PSME4: variants seen among roughly 807,000 people sequenced by gnomAD.
PSME4 encodes the protein proteasome activator subunit 4, also known as proteasome activator complex subunit 4.
In PSME4, 89 loss-of-function variants were observed where a neutral mutation model predicts 253.9. That is an observed-to-expected ratio of 0.35 (90% CI 0.30 to 0.42). The LOEUF is 0.42. Among genes scored for constraint, PSME4 ranks in the 10% least tolerant of loss-of-function variants. The pLI is 1.00. For synonymous variants in PSME4, 851 were observed against 759.2 expected (o/e 1.12, Z -1.99); for missense variants, 2,014 against 2,195.2 (o/e 0.92, Z 1.65).
chr2:53,880,453 C>CT (rs1293958070), intron 41 of PSME4, among the ~76,000 whole-genome samples: 2 of 152,134 alleles, frequency 1.3e-5, no homozygotes, highest in African/African-American at 4.8e-5. Context: ...AGATACATCT[C>CT]TTTTGCCCAG....
intron 1 of PSME4, among the ~76,000 whole-genome samples, chr2:53,956,577 T>A (rs1670245303): frequency 6.6e-6 from 1 of 151,666 alleles, no homozygotes; most frequent in African/African-American, 2.4e-5. Flanking sequence ...GAATTATTAT[T>A]CTATATATTT....
intron 21 of PSME4, 81 bp downstream of exon 21, chr2:53,909,994 A>G: frequency 8.8e-7 from 1 of 1,133,578 alleles, no homozygotes; most frequent in Non-Finnish European, 1.3e-6. Flanking sequence ...CAAAAACACT[A>G]CTTCATACTT....
rs1334214668 is a variant in PSME4 at position 53,899,499 on chromosome 2, T to C, written c.3422+382A>G. 6.6e-5 allele frequency among the ~76,000 whole-genome samples: 10 copies of C among 152,326 alleles called. No individual in the cohort carries two copies. In the East Asian group the frequency reaches 9.6e-4, roughly 15 times the overall value. On this transcript the variant is annotated intron_variant, in intron 29 of 46. Transcript: ENST00000404125. ...TAAACATCATTAAGCAGTTATGTTA[T>C]ACATCTATATTTTAGAGATGTTAAA... is the stretch of plus-strand genomic sequence containing the variant.
chr2:53,910,424 C>T (rs766716281), intron 20 of PSME4, among the ~76,000 whole-genome samples: 16 of 152,148 alleles, frequency 1.1e-4, no homozygotes, highest in Middle Eastern at 3.4e-3. Context: ...TATGATAAAC[C>T]TTTACATAAA....
intron 44 of PSME4, among the ~76,000 whole-genome samples, chr2:53,867,871 C>T (rs569430125): frequency 1.3e-5 from 2 of 151,868 alleles, no homozygotes; most frequent in Non-Finnish European, 2.9e-5. Context: ...TGAAGAATGT[C>T]TATTTCTTAA....
intron 41 of PSME4, among the ~76,000 whole-genome samples, chr2:53,876,104 A>T (rs1451523574): frequency 6.6e-6 from 1 of 152,236 alleles, no homozygotes; most frequent in Non-Finnish European, 1.5e-5. Flanking sequence ...AAACTTCGTT[A>T]CAGTTATAAT....
chr2:53,927,717 C>T (rs897561700), intron 11 of PSME4, among the ~76,000 whole-genome samples: 2 of 152,058 alleles, frequency 1.3e-5, no homozygotes, highest in Non-Finnish European at 2.9e-5. Context: ...GAGGCTGAGG[C>T]GGGTGGATCA....
chr2:53,913,202 A>G (rs1667907850), intron 20 of PSME4, among the ~76,000 whole-genome samples: 1 of 152,212 alleles, frequency 6.6e-6, no homozygotes, highest in Non-Finnish European at 1.5e-5. Flanking sequence ...GCTTCTAGAT[A>G]GTACCAGGCC....
Position 53,923,113 on chromosome 2 carries a change from G to A in PSME4, c.1914C>T (p.Cys638=). The change falls in exon 16 of 47, where the codon TGC becomes TGT. Residue 638 remains cysteine, a synonymous_variant. Coordinates refer to ENST00000404125, the MANE Select transcript of PSME4 (RefSeq NM_014614.3). ...ADMCRAAVKC[C]PEESLKLFVP... ...CAAAGAGCTTCAAAGATTCTTCTGG[G>A]CAGCACTGAAAATGTATTTGTATAA... The A allele has an allele frequency of 6.2e-7, 1 of 1,605,452 alleles. No homozygotes were observed. The highest frequency in any genetic ancestry group is 1.1e-5 in the South Asian group (1 of 89,764).
intron 44 of PSME4, among the ~76,000 whole-genome samples, chr2:53,867,965 TG>T (rs1678654505): frequency 6.6e-6 from 1 of 152,194 alleles, no homozygotes. Flanking sequence ...GTGGTGTAAG[TG>T]GTTTCAAATT....
intron 24 of PSME4, 71 bp downstream of exon 24, chr2:53,908,249 A>G (rs924510370): frequency 4.1e-6 from 5 of 1,231,428 alleles, no homozygotes; most frequent in Non-Finnish European, 5.7e-6. Context: ...TATGCTGAAT[A>G]ATACCCAAAT....
At chr2:53,917,833 A>C (rs1465554878) in intron 20 of PSME4, among the ~76,000 whole-genome samples, 7 of 152,238 alleles carry the variant, frequency 4.6e-5, no homozygotes, top group Admixed American at 3.9e-4. Flanking sequence ...TTCAAAATCA[A>C]TCTTTTTTAA....
chr2:53,905,559 C>G (rs1305567490), intron 26 of PSME4, among the ~76,000 whole-genome samples: 1 of 152,064 alleles, frequency 6.6e-6, no homozygotes, highest in Non-Finnish European at 1.5e-5. Flanking sequence ...AAAATTAGTC[C>G]AGCATGGTGG....
Position 53,923,371 on chromosome 2 carries a change from T to C in PSME4, c.1858A>G (p.Thr620Ala), listed in dbSNP as rs759836358. The change falls in exon 15 of 47, where the codon ACA becomes GCA. Residue 620 changes from threonine to alanine, a missense_variant. Thr to Ala is a moderately conservative substitution (Grantham distance 58). This residue lies in a region of PSME4 where 989 missense variants were observed against 1,021.1 expected (regional missense o/e 0.97). Transcript: ENST00000404125. ...GCCACCATGCGACCTGCTACTCTTGTTTCAAATATATGTGAAGTAGAAAAA... is the reference window on the plus strand; with the variant it reads ...GCCACCATGCGACCTGCTACTCTTGCTTCAAATATATGTGAAGTAGAAAAA... ...FNFSTSHIFETRVAGRMVADM... is the reference protein window; with the variant it reads ...FNFSTSHIFEARVAGRMVADM... The C allele has an allele frequency of 6.2e-7, 1 of 1,611,528 alleles. No homozygotes were observed.
At chr2:53,872,821 AATTAAAGTTAGGAAAC>A (rs1411879244) in intron 43 of PSME4, among the ~76,000 whole-genome samples, 1 of 150,824 alleles carries the variant, frequency 6.6e-6, no homozygotes, top group African/African-American at 2.4e-5. Flanking sequence ...GCGGTATAAT[AATTAAAGTTAGGAAAC>A]AATGACAAGG....
chr2:53,875,563 G>C, intron 42 of PSME4, 64 bp downstream of exon 42: 1 of 1,490,922 alleles, frequency 6.7e-7, no homozygotes, highest in Non-Finnish European at 9.1e-7. Flanking sequence ...GCAGCTGACT[G>C]AAATTCTTAG....
At chr2:53,895,311 T>C (rs1680092033) in intron 33 of PSME4, among the ~76,000 whole-genome samples, 1 of 152,188 alleles carries the variant, frequency 6.6e-6, no homozygotes. Flanking sequence ...TTTAGGCATA[T>C]GTATTATTAA....
intron 41 of PSME4, among the ~76,000 whole-genome samples, chr2:53,883,746 C>CTT (rs11304747): frequency 6.9e-6 from 1 of 144,564 alleles, no homozygotes; most frequent in Admixed American, 6.9e-5. Context: ...TCTTATACTT[C>CTT]TTTTTTTTTT....
intron 27 of PSME4, among the ~76,000 whole-genome samples, chr2:53,903,335 T>G (rs1055276917): frequency 2.0e-5 from 3 of 152,178 alleles, no homozygotes; most frequent in Admixed American, 6.5e-5. Context: ...ATCCAAAAGC[T>G]TAGTAACTTT....
Sources: allele counts gnomAD v4.1 joint callset (sites outside exome capture counted in the v4.1 genomes callset), GRCh38; gene constraint gnomAD v4.1.1; regional missense constraint gnomAD v4.1.1; transcripts MANE v1.5; gene names NCBI Gene and HGNC (gene_info 2026-07-23, HGNC 2026-07-21).